GRAP2: variants seen among roughly 807,000 people sequenced by gnomAD.
GRAP2 encodes GRB2 related adaptor protein 2.
Under a neutral mutation model 43.5 loss-of-function variants are expected in GRAP2, and 31 were observed. The ratio of observed to expected loss-of-function variants is 0.71; its 90% CI spans 0.54 to 0.96. The LOEUF is 0.96. Ranked by LOEUF, GRAP2 falls within the 40% of genes least tolerant of loss-of-function variation. The probability of loss-of-function intolerance (pLI) is 0.00; values close to 1 mark genes in which losing one functional copy is unlikely to be tolerated. For missense variants in GRAP2, 371 were observed against 424.4 expected, an observed-to-expected ratio of 0.87 and a Z score of 1.11; for synonymous variants, 156 against 164.8, an observed-to-expected ratio of 0.95 and a Z score of 0.41.
At chr22:39,935,617 C>T (rs1358393256) in intron 1 of GRAP2, among the ~76,000 whole-genome samples, 1 of 152,132 alleles carries the variant, frequency 6.6e-6, no homozygotes, top group Non-Finnish European at 1.5e-5. Flanking sequence ...GTCAGGCCCT[C>T]CCACTTTTCT....
chr22:39,935,268 A>G (rs564179997), intron 1 of GRAP2, among the ~76,000 whole-genome samples: 2 of 152,178 alleles, frequency 1.3e-5, no homozygotes, highest in East Asian at 3.9e-4. Flanking sequence ...AGAGCTTTTG[A>G]TTCAACGTAA....
intron 1 of GRAP2, among the ~76,000 whole-genome samples, chr22:39,933,820 AAC>A (rs1375063480): frequency 6.6e-6 from 1 of 151,930 alleles, no homozygotes; most frequent in South Asian, 2.1e-4. Context: ...CAACCTGAGC[AAC>A]AGAGCGAGAC....
chr22:39,905,120 C>G (rs2066514702), intron 1 of GRAP2, among the ~76,000 whole-genome samples: 1 of 152,122 alleles, frequency 6.6e-6, no homozygotes. Context: ...CTTTTTCACC[C>G]TTTGCAATTA....
At chr22:39,903,451 T>G (rs912173196) in intron 1 of GRAP2, among the ~76,000 whole-genome samples, 10 of 149,250 alleles carry the variant, frequency 6.7e-5, no homozygotes, top group Non-Finnish European at 1.3e-4. Context: ...ATAATAATAA[T>G]GATAATAACA....
At chr22:39,937,981 TA>T (rs1012721875) in intron 1 of GRAP2, among the ~76,000 whole-genome samples, 89 of 145,470 alleles carry the variant, frequency 6.1e-4, no homozygotes, top group Non-Finnish European at 5.0e-4. Flanking sequence ...CGTCTTGCAC[TA>T]AAAAAAAAAA....
intron 5 of GRAP2, among the ~76,000 whole-genome samples, chr22:39,966,768 A>G (rs1340679669): frequency 6.6e-6 from 1 of 152,222 alleles, no homozygotes; most frequent in Admixed American, 6.5e-5. Flanking sequence ...CTGGTATGAA[A>G]TCCTGCTTTA....
chr22:39,963,387 G>T (rs1228954153), intron 4 of GRAP2, among the ~76,000 whole-genome samples: 1 of 152,004 alleles, frequency 6.6e-6, no homozygotes. Context: ...AGAGTAAAAG[G>T]GTCAATGTTT....
intron 3 of GRAP2, 37 bp from the exon 4 acceptor site, chr22:39,960,018 C>T (rs2067100130): frequency 6.2e-7 from 1 of 1,609,476 alleles, no homozygotes; most frequent in South Asian, 1.1e-5. Context: ...ACTCCTGTGT[C>T]TCATCCTGAT....
chr22:39,911,847 G>A (rs1236830797), intron 1 of GRAP2, among the ~76,000 whole-genome samples: 1 of 152,170 alleles, frequency 6.6e-6, no homozygotes, highest in Non-Finnish European at 1.5e-5. Context: ...TTAGAAGTGA[G>A]GATCTCAGAC....
At chr22:39,930,533 A>G (rs1349695768) in intron 1 of GRAP2, among the ~76,000 whole-genome samples, 2 of 152,258 alleles carry the variant, frequency 1.3e-5, no homozygotes, top group Admixed American at 1.3e-4. Context: ...CAAAAGAAAG[A>G]GCATGATCTG....
rs2067240319 is a variant in GRAP2 at position 39,971,270 on chromosome 22, C to G, written c.*186C>G. 1.8e-6 allele frequency: 1 copy of G among 546,098 alleles called. No individual in the cohort carries two copies. The highest frequency in any genetic ancestry group is 2.7e-5 in the South Asian group (1 of 37,714). The allele number at this position is 546,098 out of a possible 1,614,324, so 33.8% of individuals were successfully genotyped here. The stretch of plus-strand genomic sequence containing the variant: ...TAATTAGTTGATGCAAAAGGGAACT[C>G]AGGTGGAGAATAATATTGACACTTG... On this transcript the variant is annotated 3_prime_UTR_variant, in exon 8 of 8. Coordinates refer to ENST00000344138, the MANE Select transcript of GRAP2 (RefSeq NM_004810.4).
intron 1 of GRAP2, among the ~76,000 whole-genome samples, chr22:39,941,115 C>G (rs1170578283): frequency 1.3e-5 from 2 of 152,184 alleles, no homozygotes; most frequent in Admixed American, 1.3e-4. Context: ...TGCTCCTTCC[C>G]TGAGGAAATC....
intron 1 of GRAP2, among the ~76,000 whole-genome samples, chr22:39,912,690 A>G (rs577999507): frequency 7.3e-4 from 111 of 152,330 alleles, no homozygotes; most frequent in Non-Finnish European, 8.1e-4. Flanking sequence ...CAGATGTGCG[A>G]CCATAAACCA....
intron 1 of GRAP2, among the ~76,000 whole-genome samples, chr22:39,920,050 T>C (rs888650219): frequency 6.6e-6 from 1 of 152,178 alleles, no homozygotes; most frequent in Non-Finnish European, 1.5e-5. Context: ...AAAAAGCAAG[T>C]GCTTTTCCCA....
At chr22:39,967,685 G>A (rs2067189033) in intron 5 of GRAP2, among the ~76,000 whole-genome samples, 1 of 152,158 alleles carries the variant, frequency 6.6e-6, no homozygotes, top group African/African-American at 2.4e-5. Flanking sequence ...TTGTCCAGTG[G>A]TGTGGCAACA....
At chr22:39,929,930 C>T (rs1237439641) in intron 1 of GRAP2, among the ~76,000 whole-genome samples, 3 of 152,174 alleles carry the variant, frequency 2.0e-5, no homozygotes, top group Non-Finnish European at 2.9e-5. Context: ...ACTCAAGAGT[C>T]GTTCTAGACC....
At chr22:39,929,241 T>A (rs889551081) in intron 1 of GRAP2, among the ~76,000 whole-genome samples, 1 of 152,110 alleles carries the variant, frequency 6.6e-6, no homozygotes, top group Non-Finnish European at 1.5e-5. Flanking sequence ...CTCTGTACTA[T>A]TTTTGCAATT....
intron 1 of GRAP2, among the ~76,000 whole-genome samples, chr22:39,932,731 A>C (rs1329054279): frequency 1.3e-5 from 2 of 151,874 alleles, no homozygotes; most frequent in East Asian, 3.9e-4. Flanking sequence ...AAAAAAAAAA[A>C]AAGTAGCAAT....
intron 6 of GRAP2, 61 bp downstream of exon 6, chr22:39,968,333 G>C: frequency 6.4e-7 from 1 of 1,573,422 alleles, no homozygotes; most frequent in African/African-American, 1.3e-5. Context: ...CTCCCCTCCA[G>C]GCCTGGCCCA....
Sources: gnomAD v4.1 joint callset for allele counts (sites outside exome capture counted in the v4.1 genomes callset) on GRCh38, gnomAD v4.1.1 for gene constraint, MANE v1.5 for transcripts, NCBI Gene and HGNC (gene_info 2026-07-23, HGNC 2026-07-21) for gene names.